The following DLG2 variants were observed in gnomAD, a reference collection of about 807,000 sequenced individuals.
DLG2 encodes the protein discs large MAGUK scaffold protein 2, also known as disks large homolog 2.
In DLG2, 45 loss-of-function variants were observed where a neutral mutation model predicts 132.5. The ratio of observed to expected loss-of-function variants is 0.34; its 90% CI spans 0.27 to 0.44. DLG2 has a LOEUF of 0.44. Among genes scored for constraint, DLG2 ranks in the 20% least tolerant of loss-of-function variants. DLG2 has a pLI of 1.00. For synonymous variants in DLG2, 424 were observed against 419.6 expected (o/e 1.01, Z -0.13); for missense variants, 1,045 against 1,196.9 (o/e 0.87, Z 1.87).
At chr11:83,935,164 G>T (rs186710737) in intron 14 of DLG2, among the ~76,000 whole-genome samples, 22 of 152,274 alleles carry the variant, frequency 1.4e-4, no homozygotes, top group African/African-American at 5.3e-4. Context: ...TAGCAGCTGG[G>T]ACGTCAAGGG....
intron 7 of DLG2, among the ~76,000 whole-genome samples, chr11:84,471,687 A>T (rs2099108814): frequency 6.6e-6 from 1 of 151,814 alleles, no homozygotes; most frequent in African/African-American, 2.4e-5. Flanking sequence ...GAATTCCTTC[A>T]TCTGCTGATG....
intron 6 of DLG2, among the ~76,000 whole-genome samples, chr11:84,816,022 TG>T (rs2077051679): frequency 6.6e-6 from 1 of 152,032 alleles, no homozygotes; most frequent in Non-Finnish European, 1.5e-5. Context: ...TGCCTGTGTT[TG>T]GGGGTAAGGA....
chr11:83,702,699 T>C (rs2083174413), intron 18 of DLG2, among the ~76,000 whole-genome samples: 1 of 152,198 alleles, frequency 6.6e-6, no homozygotes, highest in Non-Finnish European at 1.5e-5. Context: ...GACACTGATC[T>C]GTCTCTTCCT....
intron 9 of DLG2, among the ~76,000 whole-genome samples, chr11:84,104,383 A>G (rs1027776940): frequency 1.3e-5 from 2 of 152,114 alleles, no homozygotes; most frequent in Non-Finnish European, 2.9e-5. Flanking sequence ...GTACACATGA[A>G]CATAAAGATG....
chr11:84,819,231 T>A (rs909053930), intron 6 of DLG2, among the ~76,000 whole-genome samples: 1 of 151,948 alleles, frequency 6.6e-6, no homozygotes, highest in Non-Finnish European at 1.5e-5. Context: ...TATATCTACC[T>A]GACTCTGAAG....
intron 6 of DLG2, among the ~76,000 whole-genome samples, chr11:84,572,440 C>A (rs1178540986): frequency 1.3e-5 from 2 of 152,068 alleles, no homozygotes; most frequent in Admixed American, 1.3e-4. Context: ...GAAGTCTGGG[C>A]TAGACTCCTG....
intron 12 of DLG2, among the ~76,000 whole-genome samples, chr11:83,979,779 T>C (rs2092618489): frequency 6.6e-6 from 1 of 152,164 alleles, no homozygotes; most frequent in Non-Finnish European, 1.5e-5. Flanking sequence ...CAAAGGACTG[T>C]GGAAATACGC....
At position 83,858,264 on chromosome 11, in the gene DLG2, G is replaced by GGGT. The variant is rs566833266; in HGVS notation, c.1565+16153_1565+16155dup. On this transcript the variant is annotated intron_variant, in intron 16 of 27. Coordinates refer to ENST00000376104, the MANE Select transcript of DLG2 (RefSeq NM_001142699.3). ...TGTCAGACAAGAAAAATGGCTTCTT[G>GGGT]GGTATGTCAGGGGGTCAAAACCACA... 1.1e-4 allele frequency among the ~76,000 whole-genome samples: 17 copies of GGGT among 152,242 alleles called. 1 individual carries two copies. The East Asian group carries it at 3.3e-3, about 29-fold the overall frequency.
intron 7 of DLG2, among the ~76,000 whole-genome samples, chr11:84,268,673 C>G (rs551579344): frequency 3.8e-4 from 57 of 151,760 alleles, no homozygotes; most frequent in Non-Finnish European, 6.2e-4. Context: ...GAGTTAGCCA[C>G]GATGGTCTTG....
chr11:85,583,417 C>T (rs920848597), intron 3 of DLG2, among the ~76,000 whole-genome samples: 2 of 150,508 alleles, frequency 1.3e-5, no homozygotes, highest in African/African-American at 4.9e-5. Flanking sequence ...AAACTCCTGG[C>T]CTCAAGTGAT....
intron 6 of DLG2, among the ~76,000 whole-genome samples, chr11:84,672,805 C>T (rs2099707316): frequency 6.6e-6 from 1 of 151,990 alleles, no homozygotes; most frequent in African/African-American, 2.4e-5. Context: ...TGAAGAAATA[C>T]CTAAGACTTG....
intron 7 of DLG2, among the ~76,000 whole-genome samples, chr11:84,327,618 C>A (rs1276869778): frequency 1.3e-5 from 2 of 152,070 alleles, no homozygotes; most frequent in Non-Finnish European, 2.9e-5. Flanking sequence ...TACCATGAAG[C>A]TTACATAAGA....
chr11:85,299,069 A>G (rs2079424427), intron 3 of DLG2, among the ~76,000 whole-genome samples: 1 of 152,180 alleles, frequency 6.6e-6, no homozygotes. Context: ...TTCAACTTCA[A>G]GAGTCTATTT....
rs186989770 is a variant in DLG2, at chr11:85,412,650, G to A, written c.41-127285C>T. ...TTTTCATTCTATGTAATTTCACTTA[G>A]AATAATAGTCTCCAATCTCATCCCA... On this transcript the variant is annotated intron_variant, in intron 3 of 27. Coordinates refer to ENST00000376104, the MANE Select transcript of DLG2 (RefSeq NM_001142699.3). Among the ~76,000 whole-genome samples the A allele has an allele frequency of 1.3e-4, 19 of 149,480 alleles. 1 individual carries two copies. Among genetic ancestry groups the A allele is most frequent in the African/African-American group, 3.7e-4 (15 of 40,748 alleles).
chr11:83,618,106 T>A (rs1362770867), intron 19 of DLG2, among the ~76,000 whole-genome samples: 2 of 152,212 alleles, frequency 1.3e-5, no homozygotes, highest in East Asian at 3.8e-4. Context: ...TGAATGGTTT[T>A]CCTGTAATAT....
intron 9 of DLG2, among the ~76,000 whole-genome samples, chr11:84,133,627 CCTTCTT>C (rs10536022): frequency 6.6e-6 from 1 of 150,908 alleles, no homozygotes; most frequent in African/African-American, 2.4e-5. Flanking sequence ...ATAATTTTTT[CCTTCTT>C]CTTCTTCTTC....
intron 7 of DLG2, among the ~76,000 whole-genome samples, chr11:84,371,600 C>T (rs554141849): frequency 6.6e-6 from 1 of 152,130 alleles, no homozygotes; most frequent in Non-Finnish European, 1.5e-5. Flanking sequence ...TGGTCAGAAT[C>T]GACATACTAC....
In DLG2 at chr11:84,212,722, C is replaced by A. The variant is rs961562714; in HGVS notation, c.573+38516G>T. 2.0e-5 allele frequency among the ~76,000 whole-genome samples: 3 copies of A among 152,120 alleles called. No individual in the cohort carries two copies. In the South Asian group the frequency reaches 6.2e-4, roughly 32 times the overall value. ...TTACTCAGGCTGGAGTGCGGTGGTG[C>A]AATCTCGGCTCACTGCAACCTCCGC... is the stretch of plus-strand genomic sequence containing the variant. On this transcript the variant is annotated intron_variant, in intron 8 of 27. Transcript: ENST00000376104.
intron 9 of DLG2, among the ~76,000 whole-genome samples, chr11:84,125,062 C>A (rs1414322361): frequency 6.6e-6 from 1 of 152,028 alleles, no homozygotes; most frequent in African/African-American, 2.4e-5. Context: ...GTTAGTCAGG[C>A]TGATCTTGAA....
Sources: allele counts gnomAD v4.1 joint callset (sites outside exome capture counted in the v4.1 genomes callset), GRCh38; gene constraint gnomAD v4.1.1; transcripts MANE v1.5; gene names NCBI Gene and HGNC (gene_info 2026-07-23, HGNC 2026-07-21).